Variants in TM4SF18 observed in about 807,000 individuals in gnomAD.
The protein encoded by TM4SF18 is transmembrane 4 L six family member 18.
A neutral mutation model predicts 23.8 loss-of-function variants in TM4SF18; 22 were observed. The ratio of observed to expected loss-of-function variants is 0.92; its 90% confidence interval spans 0.66 to 1.32. The LOEUF is 1.32. TM4SF18 is among the 40% of genes most tolerant of loss of function. TM4SF18 has a pLI of 0.00. For synonymous variants in TM4SF18, 87 were observed against 87.9 expected, an observed-to-expected ratio of 0.99 and a Z score of 0.06; for missense variants, 255 against 240.3, an observed-to-expected ratio of 1.06 and a Z score of -0.41.
intron 4 of TM4SF18, among the ~76,000 whole-genome samples, chr3:149,322,774 C>G (rs954112842): frequency 5.3e-5 from 8 of 152,050 alleles, no homozygotes; most frequent in African/African-American, 1.9e-4. Flanking sequence ...AATAGAGGCA[C>G]TCTGAGAATT....
At chr3:149,325,549 G>A (rs1467237808) in intron 3 of TM4SF18, among the ~76,000 whole-genome samples, 1 of 152,164 alleles carries the variant, frequency 6.6e-6, no homozygotes, top group African/African-American at 2.4e-5. Flanking sequence ...TTTGAGTAGA[G>A]AGAATGGGTG....
In TM4SF18 at chr3:149,324,926, G is replaced by A. The variant is rs776086170; in HGVS notation, c.364C>T (p.Arg122Cys). Residue 122 changes from arginine (R) to cysteine (C), a missense_variant, in exon 4 of 6, where the codon CGC (arginine) becomes TGC (cysteine). By Grantham distance (180) the Arg-to-Cys change is radical. Transcript: ENST00000296059. ...GCATACTCCCAGCCATCAAGGGTGC[G>A]GCAATATGGCCCTTGGACAAGACCC... ...ALGLVQGPYC[R>C]TLDGWEYAFE... The A allele has an allele frequency of 9.9e-6, 16 of 1,614,020 alleles. 1 individual carries two copies. In the Middle Eastern group the frequency reaches 4.9e-4, roughly 50 times the overall value.
chr3:149,325,917 A>G (rs184000817), intron 3 of TM4SF18, among the ~76,000 whole-genome samples: 35 of 152,226 alleles, frequency 2.3e-4, no homozygotes, highest in Non-Finnish European at 4.3e-4. Context: ...CTACATGAAT[A>G]TTTTACCATA....
At chr3:149,322,138 G>T in intron 5 of TM4SF18, 118 bp downstream of exon 5, 1 of 854,318 alleles carries the variant, frequency 1.2e-6, no homozygotes, top group Non-Finnish European at 1.8e-6. Flanking sequence ...ATAAAGATGA[G>T]GGCAATAGAA....
At chr3:149,324,200 A>C (rs931248330) in intron 4 of TM4SF18, among the ~76,000 whole-genome samples, 2 of 152,172 alleles carry the variant, frequency 1.3e-5, no homozygotes, top group African/African-American at 4.8e-5. Flanking sequence ...TAAGCCCAGC[A>C]CAATGCCAGT....
chr3:149,333,249 T>C lies in TM4SF18; in HGVS notation c.134A>G (p.Asn45Ser). Residue 45 changes from asparagine to serine, a missense_variant, in exon 2 of 6, where the codon AAC becomes AGC. Asn to Ser is a conservative substitution (Grantham distance 46). Coordinates refer to ENST00000296059, the MANE Select transcript of TM4SF18 (RefSeq NM_138786.4). The stretch of plus-strand genomic sequence containing the variant: ...GATTCCTTCAAAATACCACACGTAG[T>C]TGGTGAGTTTATTGCTGGATGCATA... ...TSYASSNKLT[N>S]YVWYFEGICF... The C allele has an allele frequency of 6.2e-7, 1 of 1,613,682 alleles. No individual in the cohort carries two copies. Among genetic ancestry groups the C allele is most frequent in the Non-Finnish European group, 8.5e-7 (1 of 1,179,788 alleles).
At chr3:149,323,057 C>T (rs1296026755) in intron 4 of TM4SF18, among the ~76,000 whole-genome samples, 2 of 152,004 alleles carry the variant, frequency 1.3e-5, no homozygotes, top group African/African-American at 2.4e-5. Context: ...CCACCACGCC[C>T]GGCTAATTTT....
intron 3 of TM4SF18, among the ~76,000 whole-genome samples, chr3:149,327,246 G>A (rs1418215091): frequency 6.6e-6 from 1 of 152,158 alleles, no homozygotes; most frequent in Non-Finnish European, 1.5e-5. Flanking sequence ...CGCTGTGTCC[G>A]GCCAGAAACT....
chr3:149,323,959 C>T (rs995778884), intron 4 of TM4SF18, among the ~76,000 whole-genome samples: 2 of 152,200 alleles, frequency 1.3e-5, no homozygotes, highest in Admixed American at 1.3e-4. Flanking sequence ...AAGGCAGCTA[C>T]AGTCACAGAA....
intron 4 of TM4SF18, 121 bp from the exon 5 acceptor site, chr3:149,322,557 AT>A (rs931061815): frequency 2.4e-6 from 2 of 827,800 alleles, no homozygotes; most frequent in African/African-American, 3.5e-5. Flanking sequence ...GAATTAATAC[AT>A]TTTAAAAACC....
intron 2 of TM4SF18, 55 bp downstream of exon 2, chr3:149,333,151 G>A (rs911811612): frequency 6.8e-7 from 1 of 1,460,712 alleles, no homozygotes; most frequent in Non-Finnish European, 9.4e-7. Flanking sequence ...TAGTTACAAG[G>A]TAAGTCTCAA....
chr3:149,324,997 G>A lies in TM4SF18; in HGVS notation c.293C>T (p.Ser98Phe), dbSNP rs369012204. 6.2e-6 allele frequency: 10 copies of A among 1,614,020 alleles called. No homozygotes were observed. Among genetic ancestry groups the A allele is most frequent in the Non-Finnish European group, 6.8e-6 (8 of 1,179,986 alleles). The stretch of plus-strand genomic sequence containing the variant: ...GTATCCAGAAAAAGCAATTCCGAGG[G>A]AAGAAAAGATAATTGACAGCAGTGT... The part of the protein sequence containing the change: ...YVTLLSIIFS[S>F]LGIAFSGYCL... The change falls in exon 4 of 6, where the codon TCC becomes TTC. Residue 98 changes from serine (S) to phenylalanine (F), a missense_variant. Transcript: ENST00000296059.
intron 4 of TM4SF18, among the ~76,000 whole-genome samples, chr3:149,324,376 C>T (rs1730884793): frequency 6.6e-6 from 1 of 152,220 alleles, no homozygotes; most frequent in Admixed American, 6.5e-5. Context: ...TCAGACTGTA[C>T]TTTCCTGCTC....
chr3:149,330,116 CT>C, intron 3 of TM4SF18: 1 of 365,994 alleles, frequency 2.7e-6, no homozygotes, highest in Non-Finnish European at 4.9e-6. Flanking sequence ...TTTTAGGTAT[CT>C]TTAAATGCTG....
intron 4 of TM4SF18, 175 bp downstream of exon 4, chr3:149,324,705 C>G (rs1730893487): frequency 1.3e-6 from 1 of 752,690 alleles, no homozygotes; most frequent in Non-Finnish European, 2.1e-6. Context: ...AAAATCTAAA[C>G]AAAGATCTGT....
At chr3:149,330,467 A>C in intron 2 of TM4SF18, 48 bp from the exon 3 acceptor site, 1 of 1,303,516 alleles carries the variant, frequency 7.7e-7, no homozygotes, top group Non-Finnish European at 1.1e-6. Flanking sequence ...GCTAGTTTAC[A>C]TTTGTGCTTA....
intron 2 of TM4SF18, among the ~76,000 whole-genome samples, chr3:149,332,386 G>T (rs563115343): frequency 6.6e-6 from 1 of 152,250 alleles, no homozygotes; most frequent in East Asian, 1.9e-4. Context: ...TTTTAGAAAT[G>T]ACTTGACCAG....
rs758515671 is a variant in TM4SF18, at chr3:149,330,433, G to A, written c.178-14C>T. On this transcript the variant is annotated splice_polypyrimidine_tract_variant and intron_variant, in intron 2 of 5. Coordinates refer to ENST00000296059, the MANE Select transcript of TM4SF18 (RefSeq NM_138786.4). ...TACTATAAGCATCTATAGGAGGGAA[G>A]ACATAAAATGTTAGCAATGAAATGC... 46 of 1,523,980 alleles carry A rather than the reference G, an allele frequency of 3.0e-5. No homozygotes were observed. The highest frequency in any genetic ancestry group is 4.1e-5 in the Non-Finnish European group (45 of 1,109,398). 94.4% of individuals were successfully genotyped at this position (1,523,980 alleles called of 1,614,324 possible).
rs34338382 is a variant in TM4SF18, at chr3:149,322,905, C to CTTTTTTTTTTTTTTTTTTTTTTTTTT, written c.411-470_411-469insAAAAAAAAAAAAAAAAAAAAAAAAAA. ...GAACTTTACCCCTCTGGCCTCCAGACTTTTTTTTTTTTTTTTGAGACGGAG... is the reference window on the plus strand; with the variant it reads ...GAACTTTACCCCTCTGGCCTCCAGACTTTTTTTTTTTTTTTTTTTTTTTTTTTTTTTTTTTTTTTTTTGAGACGGAG... On this transcript the variant is annotated intron_variant, in intron 4 of 5. Coordinates refer to ENST00000296059, the MANE Select transcript of TM4SF18 (RefSeq NM_138786.4). Among the ~76,000 whole-genome samples the CTTTTTTTTTTTTTTTTTTTTTTTTTT allele has an allele frequency of 8.9e-4, 115 of 128,744 alleles. 7 individuals are homozygous for CTTTTTTTTTTTTTTTTTTTTTTTTTT. Among genetic ancestry groups the CTTTTTTTTTTTTTTTTTTTTTTTTTT allele is most frequent in the Middle Eastern group, 4.2e-3 (1 of 236 alleles). 84.5% of individuals were successfully genotyped at this position (128,744 alleles called of 152,430 possible). A position where few individuals can be genotyped will look rare whatever the true frequency, so the allele number is the denominator to read the frequency against.
Sources: gnomAD v4.1 joint callset for allele counts (sites outside exome capture counted in the v4.1 genomes callset) on GRCh38, gnomAD v4.1.1 for gene constraint, MANE v1.5 for transcripts, NCBI Gene and HGNC (gene_info 2026-07-23, HGNC 2026-07-21) for gene names.